The following SUSD5 variants were observed in gnomAD, a reference collection of about 807,000 sequenced individuals.
SUSD5 encodes the protein sushi domain containing 5, also known as sushi domain-containing protein 5.
SUSD5 carries 33 observed loss-of-function variants against 29.5 expected under a neutral mutation model. The ratio of observed to expected loss-of-function variants is 1.12; its 90% CI spans 0.85 to 1.49. SUSD5 has a LOEUF of 1.49. SUSD5 is among the 40% of genes most tolerant of loss of function. SUSD5 has a pLI of 0.00. For missense variants in SUSD5, 776 were observed against 800.6 expected, an observed-to-expected ratio of 0.97 and a Z score of 0.37; for synonymous variants, 308 against 325.3, an observed-to-expected ratio of 0.95 and a Z score of 0.57.
chr3:33,186,224 C>G (rs143368360), intron 3 of SUSD5, among the ~76,000 whole-genome samples: 5,174 of 151,576 alleles, frequency 0.034, 146 homozygotes, highest in Non-Finnish European at 0.049. Context: ...ATGGCGTGAA[C>G]CCGGGAGGTG....
At chr3:33,213,817 G>T (rs2125634427) in intron 2 of SUSD5, 111 bp downstream of exon 2, 3 of 1,140,340 alleles carry the variant, frequency 2.6e-6, no homozygotes, top group South Asian at 3.4e-5. Context: ...ACACGCTACT[G>T]CCCACTGTAC....
chr3:33,181,059 A>G (rs867421275), intron 3 of SUSD5, among the ~76,000 whole-genome samples: 14 of 151,618 alleles, frequency 9.2e-5, no homozygotes, highest in African/African-American at 2.9e-4. Context: ...AAATGTTTGT[A>G]CAGTTGTACA....
intron 4 of SUSD5, among the ~76,000 whole-genome samples, chr3:33,172,212 C>G (rs2031441789): frequency 6.6e-6 from 1 of 151,568 alleles, no homozygotes. Context: ...CACACACACA[C>G]ACACACACAC....
At chr3:33,159,262 C>T (rs2031123456) in intron 4 of SUSD5, among the ~76,000 whole-genome samples, 1 of 152,190 alleles carries the variant, frequency 6.6e-6, no homozygotes, top group African/African-American at 2.4e-5. Context: ...GATACCAAGA[C>T]TGATACTGTC....
chr3:33,155,547 A>G (rs2031031065), intron 4 of SUSD5, among the ~76,000 whole-genome samples: 1 of 152,120 alleles, frequency 6.6e-6, no homozygotes, highest in Non-Finnish European at 1.5e-5. Flanking sequence ...CAGCAATTCC[A>G]CTCCTAAATA....
chr3:33,213,376 C>T (rs972174811), intron 2 of SUSD5, among the ~76,000 whole-genome samples: 15 of 140,038 alleles, frequency 1.1e-4, no homozygotes, highest in Non-Finnish European at 2.0e-4. Flanking sequence ...AGCACTCCAG[C>T]CTGGTGGACA....
intron 4 of SUSD5, 21 bp from the exon 5 acceptor site, chr3:33,154,054 A>AT: frequency 6.5e-7 from 1 of 1,547,536 alleles, no homozygotes; most frequent in Non-Finnish European, 8.7e-7. Flanking sequence ...AGAGGGAAAA[A>AT]ACCTCATTAG....
chr3:33,168,259 G>C (rs1005798078), intron 4 of SUSD5, among the ~76,000 whole-genome samples: 1 of 151,224 alleles, frequency 6.6e-6, no homozygotes, highest in Non-Finnish European at 1.5e-5. Context: ...TTTTCCCTCT[G>C]TTCTTGGCTA....
At chr3:33,190,907 A>G (rs778996856) in intron 3 of SUSD5, among the ~76,000 whole-genome samples, 1 of 152,060 alleles carries the variant, frequency 6.6e-6, no homozygotes, top group Non-Finnish European at 1.5e-5. Flanking sequence ...AAATCATTTA[A>G]TCTCCCCTAA....
In SUSD5 at chr3:33,168,717, T is replaced by C. The variant is rs141069253; in HGVS notation, c.598+6169A>G. On this transcript the variant is annotated intron_variant, in intron 4 of 4. Transcript: ENST00000309558. The stretch of plus-strand genomic sequence containing the variant: ...CAGGCTGGAGTGCAGTGGGGTGATC[T>C]TGGCTCACTGTATCCTCCGCCTCCT... The C allele has an allele frequency of 4.1e-3, 1,512 of 366,676 alleles. 17 individuals are homozygous for C. The highest frequency in any genetic ancestry group is 0.028 in the African/African-American group (1,261 of 45,486). The allele number at this position is 366,676 out of a possible 1,614,324, so 22.7% of individuals were successfully genotyped here. A position where few individuals can be genotyped will look rare whatever the true frequency, so the allele number is the denominator to read the frequency against.
chr3:33,175,065 C>A lies in SUSD5; in HGVS notation c.419G>T (p.Cys140Phe). Residue 140 changes from cysteine to phenylalanine, a missense_variant, in exon 4 of 5, where the codon TGT becomes TTT. Cys to Phe is a radical substitution (Grantham distance 205). Transcript: ENST00000309558. Reference sequence around the variant, plus strand: ...GTGTGGGAACGAAGGCGGGTCTCCACACGGCTTCTCTGAGGAGAAGGAATC... The same window carrying A: ...GTGTGGGAACGAAGGCGGGTCTCCAAACGGCTTCTCTGAGGAGAAGGAATC... ...ALCIKDEEKP[C>F]GDPPSFPHTI... 6.2e-7 allele frequency: 1 copy of A among 1,613,982 alleles called. No homozygotes were observed. The highest frequency in any genetic ancestry group is 8.5e-7 in the Non-Finnish European group (1 of 1,179,864).
At chr3:33,213,793 A>G (rs2032372358) in intron 2 of SUSD5, 135 bp downstream of exon 2, 1 of 1,024,446 alleles carries the variant, frequency 9.8e-7, no homozygotes, top group Non-Finnish European at 1.4e-6. Flanking sequence ...AAAACAAAAC[A>G]AAACAAAACA....
At position 33,152,504 on chromosome 3, in the gene SUSD5, T is replaced by G; in HGVS notation, c.*238A>C. 2 of 517,410 alleles carry G rather than the reference T, an allele frequency of 3.9e-6. No individual in the cohort carries two copies. Among genetic ancestry groups the G allele is most frequent in the East Asian group, 3.2e-5 (1 of 31,098 alleles). The allele number at this position is 517,410 out of a possible 1,614,324, so 32.1% of individuals were successfully genotyped here. A position where few individuals can be genotyped will look rare whatever the true frequency, so the allele number is the denominator to read the frequency against. On this transcript the variant is annotated 3_prime_UTR_variant, in exon 5 of 5. Coordinates refer to ENST00000309558, the MANE Select transcript of SUSD5 (RefSeq NM_015551.2). ...ACAGGGCCCAAGCACAGGTCTGGGATTAGTGTAGTCAATTCCAGGGCAGAT... is the reference window on the plus strand; with the variant it reads ...ACAGGGCCCAAGCACAGGTCTGGGAGTAGTGTAGTCAATTCCAGGGCAGAT...
intron 4 of SUSD5, among the ~76,000 whole-genome samples, chr3:33,170,767 A>C (rs1212492949): frequency 5.3e-5 from 8 of 152,232 alleles, no homozygotes; most frequent in Non-Finnish European, 1.2e-4. Flanking sequence ...TTCTCACCCA[A>C]GTAACAGACA....
In SUSD5 at chr3:33,204,472, T is replaced by C. The variant is rs561200708; in HGVS notation, c.409+3336A>G. The stretch of plus-strand genomic sequence containing the variant: ...AGCAGCTGGGACGACAGGTGCCCAC[T>C]ACCACACCCGGCTAATTTTTTTGTA... On this transcript the variant is annotated intron_variant, in intron 3 of 4. Transcript: ENST00000309558. This position sits in a 1 kb window ranked among gnomAD's most constrained non-coding sequence, Gnocchi z 4.5. Among the ~76,000 whole-genome samples, 30 of 151,472 alleles carry C rather than the reference T, an allele frequency of 2.0e-4. No individual in the cohort carries two copies. The highest frequency in any genetic ancestry group is 3.9e-4 in the Admixed American group (6 of 15,216).
chr3:33,194,916 T>G (rs1040999540), intron 3 of SUSD5, among the ~76,000 whole-genome samples: 10 of 152,290 alleles, frequency 6.6e-5, no homozygotes, highest in Non-Finnish European at 1.5e-4. Flanking sequence ...CACTTTCAGC[T>G]GGGCACGGTG....
chr3:33,190,865 C>A (rs1372215430), intron 3 of SUSD5, among the ~76,000 whole-genome samples: 2 of 152,140 alleles, frequency 1.3e-5, no homozygotes, highest in East Asian at 3.9e-4. Flanking sequence ...TTGTTACACC[C>A]ACTTTTCTGA....
chr3:33,170,787 A>C (rs1430784945), intron 4 of SUSD5, among the ~76,000 whole-genome samples: 1 of 152,238 alleles, frequency 6.6e-6, no homozygotes, highest in Non-Finnish European at 1.5e-5. Flanking sequence ...AGTTGAAGTC[A>C]CAGGCTGTCG....
intron 3 of SUSD5, among the ~76,000 whole-genome samples, chr3:33,197,034 G>T (rs1388577697): frequency 2.0e-5 from 3 of 152,138 alleles, no homozygotes; most frequent in African/African-American, 7.2e-5. Flanking sequence ...GTGAACACAG[G>T]GTACTACAGC....
Sources: allele counts gnomAD v4.1 joint callset (sites outside exome capture counted in the v4.1 genomes callset), GRCh38; gene constraint gnomAD v4.1.1; non-coding constraint Gnocchi (gnomAD v3.1); transcripts MANE v1.5; gene names NCBI Gene and HGNC (gene_info 2026-07-23, HGNC 2026-07-21).